Variants in ZBTB20 observed in about 807,000 individuals in gnomAD.
The protein encoded by ZBTB20 is zinc finger and BTB domain containing 20, also known as zinc finger and BTB domain-containing protein 20.
In ZBTB20, 9 loss-of-function variants were observed where a neutral mutation model predicts 56.9. The observed-to-expected ratio is 0.16, with a 90% CI of 0.10 to 0.28. The LOEUF (loss-of-function observed/expected upper bound fraction) is 0.28. ZBTB20 is among the 10% of genes least tolerant of loss of function. The pLI, the probability that ZBTB20 is intolerant of heterozygous loss-of-function variation, is 1.00. For synonymous variants in ZBTB20, 417 were observed against 420.7 expected (o/e 0.99, Z 0.11); for missense variants, 655 against 1,003.0 (o/e 0.65, Z 4.69).
At chr3:115,121,092 C>A (rs1479809958) in intron 1 of ZBTB20, among the ~76,000 whole-genome samples, 1 of 152,048 alleles carries the variant, frequency 6.6e-6, no homozygotes, top group Non-Finnish European at 1.5e-5. Flanking sequence ...GGACTGACCA[C>A]ACTAAATAAC....
In ZBTB20 at chr3:114,323,894, ACT is replaced by A. The variant is rs2108010204; in HGVS notation, c.*15109_*15110del. 1 of 152,080 alleles carries A rather than the reference ACT, an allele frequency of 6.6e-6. No individual in the cohort carries two copies. Among genetic ancestry groups the A allele is most frequent in the South Asian group, 2.1e-4 (1 of 4,810 alleles). 9.4% of individuals were successfully genotyped at this position (152,080 alleles called of 1,614,324 possible). ...CCTTTTTCTTTCCCATACGTAACAC[ACT>A]CTCTCCCAGCACAAGTAAGTACATT... On this transcript the variant is annotated 3_prime_UTR_variant, in exon 12 of 12. Coordinates refer to ENST00000675478, the MANE Select transcript of ZBTB20 (RefSeq NM_001348800.3).
intron 7 of ZBTB20, among the ~76,000 whole-genome samples, chr3:114,414,121 G>C (rs1307050325): frequency 6.6e-6 from 1 of 152,120 alleles, no homozygotes; most frequent in Admixed American, 6.6e-5. Flanking sequence ...AGATCACGAG[G>C]AGGTAAAAGG....
At chr3:115,125,119 G>A (rs766836378) in intron 1 of ZBTB20, among the ~76,000 whole-genome samples, 3 of 151,962 alleles carry the variant, frequency 2.0e-5, no homozygotes, top group Non-Finnish European at 2.9e-5. Context: ...AAGGCAGAAG[G>A]ACTGCTTGAG....
rs937372331 is a variant in ZBTB20, at chr3:114,331,032, A to G, written c.*7973T>C. ...AAAGGCCACATTGGTTTCAGGAGAC[A>G]CAGTTTGTGAATTACGATGATATCT... is the stretch of plus-strand genomic sequence containing the variant. On this transcript the variant is annotated 3_prime_UTR_variant, in exon 12 of 12. Coordinates refer to ENST00000675478, the MANE Select transcript of ZBTB20 (RefSeq NM_001348800.3). 6 of 152,260 alleles carry G rather than the reference A, an allele frequency of 3.9e-5. No homozygotes were observed. The highest frequency in any genetic ancestry group is 7.3e-5 in the Non-Finnish European group (5 of 68,082). 9.4% of individuals were successfully genotyped at this position (152,260 alleles called of 1,614,324 possible). A position where few individuals can be genotyped will look rare whatever the true frequency, so the allele number is the denominator to read the frequency against.
intron 6 of ZBTB20, among the ~76,000 whole-genome samples, chr3:114,684,829 T>C (rs1052637965): frequency 3.9e-5 from 6 of 152,060 alleles, no homozygotes; most frequent in Non-Finnish European, 5.9e-5. Context: ...AGGTAGGTTA[T>C]ATGAACACAC....
Position 114,412,955 on chromosome 3 carries a change from A to AC in ZBTB20, c.-254-23851dup, listed in dbSNP as rs112411285. Among the ~76,000 whole-genome samples, 543 of 152,240 alleles carry AC rather than the reference A, an allele frequency of 3.6e-3. 2 individuals are homozygous for AC. Among genetic ancestry groups the AC allele is most frequent in the African/African-American group, 0.012 (519 of 41,552 alleles). ...TTCTAAGCTGAACTTTGGCTTAAAT[A>AC]CAATTGCAGTCACACTAAGATCATT... On this transcript the variant is annotated intron_variant, in intron 7 of 11. Transcript: ENST00000675478.
intron 10 of ZBTB20, among the ~76,000 whole-genome samples, chr3:114,357,740 A>G (rs1323961711): frequency 6.6e-6 from 1 of 152,186 alleles, no homozygotes; most frequent in Admixed American, 6.5e-5. Flanking sequence ...TTCCATAATC[A>G]AAGCTTCTAA....
At chr3:114,521,067 T>C (rs889470462) in intron 6 of ZBTB20, among the ~76,000 whole-genome samples, 9 of 152,172 alleles carry the variant, frequency 5.9e-5, no homozygotes, top group African/African-American at 2.2e-4. Context: ...AACTTACAAA[T>C]TTTAAAAGCC....
chr3:114,693,256 T>C (rs2062804406), intron 6 of ZBTB20, among the ~76,000 whole-genome samples: 1 of 152,156 alleles, frequency 6.6e-6, no homozygotes, highest in South Asian at 2.1e-4. Flanking sequence ...TATTCTAAAA[T>C]ATTTGTCAAA....
At chr3:114,555,395 C>G (rs1410523706) in intron 6 of ZBTB20, among the ~76,000 whole-genome samples, 4 of 151,984 alleles carry the variant, frequency 2.6e-5, no homozygotes, top group Non-Finnish European at 5.9e-5. Flanking sequence ...TGTCGACATC[C>G]CAGCATCTCA....
chr3:115,095,335 T>A (rs913338758), intron 1 of ZBTB20, among the ~76,000 whole-genome samples: 1 of 152,128 alleles, frequency 6.6e-6, no homozygotes, highest in African/African-American at 2.4e-5. Context: ...ATTGGTTAAC[T>A]GAACTACAAA....
chr3:114,720,169 G>T (rs572652166), intron 5 of ZBTB20, among the ~76,000 whole-genome samples: 3 of 148,666 alleles, frequency 2.0e-5, no homozygotes, highest in African/African-American at 7.4e-5. Context: ...TATTACTTTT[G>T]ATATTTTTCT....
At chr3:114,720,744 T>C (rs2064856721) in intron 5 of ZBTB20, among the ~76,000 whole-genome samples, 1 of 152,208 alleles carries the variant, frequency 6.6e-6, no homozygotes, top group African/African-American at 2.4e-5. Flanking sequence ...TAATTGTATA[T>C]CTATGTTTGA....
chr3:114,949,727 A>G (rs1325443080), intron 3 of ZBTB20, among the ~76,000 whole-genome samples: 1 of 149,358 alleles, frequency 6.7e-6, no homozygotes, highest in Admixed American at 6.6e-5. Flanking sequence ...AGATCGCACC[A>G]CTGCACTCCA....
At chr3:114,399,695 C>A (rs1292693956) in intron 7 of ZBTB20, among the ~76,000 whole-genome samples, 2 of 152,114 alleles carry the variant, frequency 1.3e-5, no homozygotes, top group African/African-American at 4.8e-5. Flanking sequence ...CGGGGCAAGA[C>A]TGCTATTTTC....
chr3:114,374,326 G>A (rs1255315668), intron 10 of ZBTB20, among the ~76,000 whole-genome samples: 4 of 152,224 alleles, frequency 2.6e-5, no homozygotes, highest in African/African-American at 9.6e-5. Context: ...AACACTGGGG[G>A]CAACGAGAGC....
rs560301317 is a variant in ZBTB20 at position 114,871,968 on chromosome 3, T to C, written c.-417+28336A>G. ...TCCCAGTTCCTCCCAACTTTATGTATGCATGAGTCTTTTCATGATCTTCTC... is the reference window on the plus strand; with the variant it reads ...TCCCAGTTCCTCCCAACTTTATGTACGCATGAGTCTTTTCATGATCTTCTC... On this transcript the variant is annotated intron_variant, in intron 4 of 11. Coordinates refer to ENST00000675478, the MANE Select transcript of ZBTB20 (RefSeq NM_001348800.3). 4.6e-5 allele frequency among the ~76,000 whole-genome samples: 7 copies of C among 152,278 alleles called. No homozygotes were observed. In the East Asian group the frequency reaches 1.2e-3, roughly 25 times the overall value.
intron 7 of ZBTB20, among the ~76,000 whole-genome samples, chr3:114,492,572 G>C (rs566503282): frequency 2.7e-4 from 41 of 152,168 alleles, no homozygotes; most frequent in African/African-American, 9.4e-4. Context: ...CATTTCCACT[G>C]TCAATACTCT....
intron 10 of ZBTB20, among the ~76,000 whole-genome samples, chr3:114,372,862 A>G (rs972934789): frequency 1.3e-5 from 2 of 151,544 alleles, no homozygotes; most frequent in Admixed American, 6.5e-5. Context: ...AGAAAAATAA[A>G]AAGAAAATTT....
Sources: gnomAD v4.1 joint callset for allele counts (sites outside exome capture counted in the v4.1 genomes callset) on GRCh38, gnomAD v4.1.1 for gene constraint, MANE v1.5 for transcripts, NCBI Gene and HGNC (gene_info 2026-07-23, HGNC 2026-07-21) for gene names.